LRRC4C: variants seen among roughly 807,000 people sequenced by gnomAD.
LRRC4C encodes leucine rich repeat containing 4C.
A neutral mutation model predicts 33.6 loss-of-function variants in LRRC4C; 5 were observed. That is an observed-to-expected ratio of 0.15 (90% confidence interval 0.08 to 0.31). The LOEUF is 0.31. Among genes scored for constraint, LRRC4C ranks in the 10% least tolerant of loss-of-function variants. The probability of loss-of-function intolerance (pLI) is 1.00; values close to 1 mark genes in which losing one functional copy is unlikely to be tolerated. For synonymous variants in LRRC4C, 329 were observed against 302.0 expected, an observed-to-expected ratio of 1.09 and a Z score of -0.93; for missense variants, 560 against 796.7, an observed-to-expected ratio of 0.70 and a Z score of 3.58.
intron 5 of LRRC4C, among the ~76,000 whole-genome samples, chr11:40,184,819 G>C (rs1407516638): frequency 1.3e-5 from 2 of 152,140 alleles, no homozygotes; most frequent in African/African-American, 4.8e-5. Context: ...TAAAGAGACT[G>C]TCCACCTTCT....
At chr11:41,176,308 T>C (rs1157688811) in intron 1 of LRRC4C, among the ~76,000 whole-genome samples, 2 of 152,168 alleles carry the variant, frequency 1.3e-5, no homozygotes, top group African/African-American at 4.8e-5. Context: ...TTTTTCTAAG[T>C]CTTTATAAGA....
chr11:41,403,518 C>A (rs1317248075), intron 1 of LRRC4C, among the ~76,000 whole-genome samples: 3 of 152,002 alleles, frequency 2.0e-5, no homozygotes, highest in African/African-American at 7.2e-5. Context: ...TCCTTTATGG[C>A]AGCAAGAGTG....
chr11:41,268,191 C>T (rs1254591177), intron 1 of LRRC4C, among the ~76,000 whole-genome samples: 1 of 152,058 alleles, frequency 6.6e-6, no homozygotes. Context: ...TTACAGAGCC[C>T]CAGTTCTGCT....
intron 1 of LRRC4C, among the ~76,000 whole-genome samples, chr11:41,081,398 A>T (rs1259878345): frequency 1.3e-5 from 2 of 152,230 alleles, no homozygotes; most frequent in Non-Finnish European, 2.9e-5. Context: ...ACAAAGATGC[A>T]GCAGTGAATT....
chr11:41,009,977 A>G (rs2137511404), intron 1 of LRRC4C, among the ~76,000 whole-genome samples: 1 of 152,250 alleles, frequency 6.6e-6, no homozygotes, highest in African/African-American at 2.4e-5. Context: ...TTTGACACAG[A>G]GACAGAAATG....
intron 1 of LRRC4C, among the ~76,000 whole-genome samples, chr11:41,069,503 G>A (rs537446493): frequency 3.6e-4 from 55 of 152,170 alleles, no homozygotes; most frequent in Non-Finnish European, 7.6e-4. Flanking sequence ...TGGCATGACT[G>A]TTTATTTAGA....
chr11:41,185,938 T>C (rs998887814), intron 1 of LRRC4C, among the ~76,000 whole-genome samples: 1 of 152,076 alleles, frequency 6.6e-6, no homozygotes, highest in African/African-American at 2.4e-5. Flanking sequence ...ATTATTCATT[T>C]ATGTATATAT....
chr11:41,118,750 C>A (rs890940515), intron 1 of LRRC4C, among the ~76,000 whole-genome samples: 1 of 152,068 alleles, frequency 6.6e-6, no homozygotes, highest in African/African-American at 2.4e-5. Flanking sequence ...AGTAAAGCAA[C>A]TTTCATTGTG....
At chr11:40,521,524 A>C (rs529828228) in intron 3 of LRRC4C, among the ~76,000 whole-genome samples, 2 of 152,314 alleles carry the variant, frequency 1.3e-5, no homozygotes, top group African/African-American at 4.8e-5. Flanking sequence ...ACAAACAATG[A>C]GAAATGCACA....
intron 1 of LRRC4C, among the ~76,000 whole-genome samples, chr11:41,300,253 C>T (rs1414430453): frequency 6.6e-6 from 1 of 152,166 alleles, no homozygotes; most frequent in Non-Finnish European, 1.5e-5. Flanking sequence ...GCTTCATTTG[C>T]AACATTCAGC....
chr11:40,219,773 G>A (rs527682826), intron 5 of LRRC4C, among the ~76,000 whole-genome samples: 1 of 152,080 alleles, frequency 6.6e-6, no homozygotes, highest in South Asian at 2.1e-4. Context: ...AGGATACAAA[G>A]TTGCAAATAT....
chr11:40,472,020 G>A (rs187227548), intron 3 of LRRC4C, among the ~76,000 whole-genome samples: 142 of 152,248 alleles, frequency 9.3e-4, no homozygotes, highest in Admixed American at 1.4e-3. Flanking sequence ...TCGAGGCCGG[G>A]CAAGGTGGCT....
intron 2 of LRRC4C, among the ~76,000 whole-genome samples, chr11:40,706,449 T>C (rs562805070): frequency 3.3e-5 from 5 of 152,108 alleles, no homozygotes; most frequent in Non-Finnish European, 2.9e-5. Context: ...TTTCCCAGCA[T>C]GATTTATTAA....
intron 5 of LRRC4C, among the ~76,000 whole-genome samples, chr11:40,222,976 GA>G (rs1303304179): frequency 6.6e-6 from 1 of 152,138 alleles, no homozygotes; most frequent in East Asian, 1.9e-4. Flanking sequence ...TTAAGCTCAG[GA>G]ACAGTGAGCG....
intron 5 of LRRC4C, among the ~76,000 whole-genome samples, chr11:40,218,779 TA>T (rs1320673828): frequency 6.6e-6 from 1 of 150,428 alleles, no homozygotes; most frequent in Admixed American, 6.7e-5. Flanking sequence ...AAACCTAGGG[TA>T]GAGTTCCTGA....
chr11:40,919,684 G>A (rs1957096272), intron 2 of LRRC4C, among the ~76,000 whole-genome samples: 2 of 152,034 alleles, frequency 1.3e-5, no homozygotes, highest in African/African-American at 4.8e-5. Flanking sequence ...AATGATGTTT[G>A]GAAAATGCTT....
chr11:40,904,378 T>G (rs1956332079), intron 2 of LRRC4C, among the ~76,000 whole-genome samples: 2 of 152,030 alleles, frequency 1.3e-5, no homozygotes, highest in Non-Finnish European at 2.9e-5. Flanking sequence ...AGCAAATAAA[T>G]AAATAGCACA....
At chr11:40,484,793 A>T (rs1454296281) in intron 3 of LRRC4C, among the ~76,000 whole-genome samples, 1 of 152,146 alleles carries the variant, frequency 6.6e-6, no homozygotes, top group Non-Finnish European at 1.5e-5. Flanking sequence ...ATGCAGAACA[A>T]CAACAAAAAT....
chr11:40,426,882 C>G lies in LRRC4C; in HGVS notation c.-269-107161G>C, dbSNP rs1488144521. On this transcript the variant is annotated intron_variant, in intron 3 of 6. Transcript: ENST00000528697. ...TTCCGACCTGTACTGACTCAAATCT[C>G]ACTCCATTTCTAGCAGCAGATTCTC... Among the ~76,000 whole-genome samples, 6 of 152,280 alleles carry G rather than the reference C, an allele frequency of 3.9e-5. No homozygotes were observed. The East Asian group carries it at 1.2e-3, about 29-fold the overall frequency.
Sources: gnomAD v4.1 joint callset for allele counts (sites outside exome capture counted in the v4.1 genomes callset) on GRCh38, gnomAD v4.1.1 for gene constraint, MANE v1.5 for transcripts, NCBI Gene and HGNC (gene_info 2026-07-23, HGNC 2026-07-21) for gene names.